Variants in NPTN observed in about 807,000 individuals in gnomAD.
The protein encoded by NPTN is SDR-1.
A neutral mutation model predicts 42.7 loss-of-function variants in NPTN; 5 were observed. That is an observed-to-expected ratio of 0.12 (90% CI 0.06 to 0.25). NPTN has a LOEUF of 0.25. NPTN is among the 10% of genes least tolerant of loss of function. The pLI, the probability that NPTN is intolerant of heterozygous loss-of-function variation, is 1.00. For synonymous variants in NPTN, 180 were observed against 201.9 expected, an observed-to-expected ratio of 0.89 and a Z score of 0.92; for missense variants, 307 against 525.4, an observed-to-expected ratio of 0.58 and a Z score of 4.06.
At chr15:73,600,844 TG>T (rs1319415576) in intron 1 of NPTN, among the ~76,000 whole-genome samples, 1 of 152,044 alleles carries the variant, frequency 6.6e-6, no homozygotes, top group East Asian at 1.9e-4. Flanking sequence ...TTAAAGCAAC[TG>T]GGGGGAGGGT....
intron 1 of NPTN, among the ~76,000 whole-genome samples, chr15:73,626,561 A>G: frequency 6.6e-6 from 1 of 152,210 alleles, no homozygotes; most frequent in Non-Finnish European, 1.5e-5. Flanking sequence ...TCCAAATCCT[A>G]CCATCAGGAA....
chr15:73,590,910 T>C (rs1896559452), intron 3 of NPTN, among the ~76,000 whole-genome samples: 1 of 152,218 alleles, frequency 6.6e-6, no homozygotes, highest in South Asian at 2.1e-4. Context: ...TCTAATTTTT[T>C]TTTTTATCAG....
chr15:73,566,406 G>A (rs980736671), intron 6 of NPTN, among the ~76,000 whole-genome samples: 6 of 152,226 alleles, frequency 3.9e-5, no homozygotes, highest in Non-Finnish European at 5.9e-5. Context: ...AACTTAAAGA[G>A]AGTCCCTTTG....
chr15:73,580,498 AATAT>A lies in NPTN; in HGVS notation c.707-6707_707-6704del, dbSNP rs765769834. On this transcript the variant is annotated intron_variant, in intron 4 of 8. Transcript: ENST00000345330. ...ATATACATAAATATATATATACATAAATATATATATTATATATAATATAGTTATA... is the reference window on the plus strand; with the variant it reads ...ATATACATAAATATATATATACATAAATATATTATATATAATATAGTTATA... Among the ~76,000 whole-genome samples the A allele has an allele frequency of 4.0e-4, 53 of 132,840 alleles. 2 individuals carry two copies. In the East Asian group the frequency reaches 9.8e-3, roughly 25 times the overall value. 87.1% of individuals were successfully genotyped at this position (132,840 alleles called of 152,430 possible). A position where few individuals can be genotyped will look rare whatever the true frequency, so the allele number is the denominator to read the frequency against.
At chr15:73,611,624 G>A (rs957432618) in intron 1 of NPTN, among the ~76,000 whole-genome samples, 1 of 152,000 alleles carries the variant, frequency 6.6e-6, no homozygotes, top group Non-Finnish European at 1.5e-5. Flanking sequence ...AGTACACAGG[G>A]GATTTTTAGG....
intron 5 of NPTN, among the ~76,000 whole-genome samples, chr15:73,571,716 A>G (rs1895404118): frequency 6.6e-6 from 1 of 152,194 alleles, no homozygotes; most frequent in African/African-American, 2.4e-5. Flanking sequence ...GGGAAAAAAC[A>G]GACTCATGTG....
chr15:73,624,480 C>CA (rs1286407099), intron 1 of NPTN, among the ~76,000 whole-genome samples: 1 of 152,042 alleles, frequency 6.6e-6, no homozygotes, highest in African/African-American at 2.4e-5. Context: ...CTCGTATAAT[C>CA]AAAAAAATCC....
chr15:73,608,903 A>G (rs1452414198), intron 1 of NPTN, among the ~76,000 whole-genome samples: 3 of 152,330 alleles, frequency 2.0e-5, no homozygotes, highest in South Asian at 2.1e-4. Context: ...CTGGCTTTAC[A>G]GACATCTGGA....
In NPTN at chr15:73,587,536, T is replaced by C. The variant is rs752157172; in HGVS notation, c.694A>G (p.Ile232Val). ...FVSAPKANAT[I>V]EVKAAPDITG... ...TGCTGGGTTGTACCTTTCACTTCAA[T>C]GGTGGCGTTTGCTTTAGGAGCGCTG... Residue 232 changes from isoleucine (I) to valine (V), a missense_variant, in exon 4 of 9, where the codon ATT (isoleucine) becomes GTT (valine). Physicochemically the swap from Ile to Val is conservative, Grantham distance 29. Around this residue, in one of 2 missense-constraint regions of NPTN, gnomAD observed 264 missense variants for 491.1 expected, o/e 0.54. Coordinates refer to ENST00000345330, the MANE Select transcript of NPTN (RefSeq NM_012428.4). 1.2e-6 allele frequency: 2 copies of C among 1,613,402 alleles called. No homozygotes were observed. The highest frequency in any genetic ancestry group is 4.5e-5 in the East Asian group (2 of 44,878).
At chr15:73,581,072 G>T (rs766015429) in intron 4 of NPTN, among the ~76,000 whole-genome samples, 8 of 152,144 alleles carry the variant, frequency 5.3e-5, no homozygotes. Flanking sequence ...CTAAGGCTTC[G>T]ACTCTGTCAT....
At chr15:73,600,647 T>C (rs75298649) in intron 1 of NPTN, among the ~76,000 whole-genome samples, 2,368 of 152,320 alleles carry the variant, frequency 0.016, 66 homozygotes, top group African/African-American at 0.052. Context: ...AAGGTTTTTG[T>C]AGTTACTTAA....
At chr15:73,626,505 T>C (rs923775183) in intron 1 of NPTN, among the ~76,000 whole-genome samples, 1 of 152,204 alleles carries the variant, frequency 6.6e-6, no homozygotes, top group African/African-American at 2.4e-5. Context: ...TATTTAGTAA[T>C]TTTTAGAACT....
At chr15:73,623,446 G>A (rs1004787831) in intron 1 of NPTN, among the ~76,000 whole-genome samples, 17 of 152,138 alleles carry the variant, frequency 1.1e-4, no homozygotes, top group African/African-American at 4.1e-4. Context: ...CAGCACTTTG[G>A]GAGGCACAGG....
At chr15:73,600,462 A>G (rs188300858) in intron 1 of NPTN, among the ~76,000 whole-genome samples, 103 of 152,348 alleles carry the variant, frequency 6.8e-4, no homozygotes, top group African/African-American at 2.2e-3. Flanking sequence ...TTTATTCATT[A>G]TGATAAGTGC....
At chr15:73,563,845 T>C (rs1258435694) in intron 6 of NPTN, among the ~76,000 whole-genome samples, 1 of 152,224 alleles carries the variant, frequency 6.6e-6, no homozygotes, top group Non-Finnish European at 1.5e-5. Context: ...GGGTCAGCCA[T>C]GCTGGGCTAT....
chr15:73,604,140 G>T (rs932603619), intron 1 of NPTN, among the ~76,000 whole-genome samples: 1 of 151,912 alleles, frequency 6.6e-6, no homozygotes, highest in Non-Finnish European at 1.5e-5. Flanking sequence ...TTAAAAAAAA[G>T]TCAATGACAA....
At chr15:73,608,819 G>A (rs953990046) in intron 1 of NPTN, among the ~76,000 whole-genome samples, 1 of 152,194 alleles carries the variant, frequency 6.6e-6, no homozygotes, top group Non-Finnish European at 1.5e-5. Flanking sequence ...ATGTTTACAA[G>A]ATAGAATCAA....
chr15:73,594,269 A>C (rs1272852618), intron 2 of NPTN, among the ~76,000 whole-genome samples: 2 of 152,210 alleles, frequency 1.3e-5, no homozygotes, highest in African/African-American at 4.8e-5. Context: ...AGATGTTTAA[A>C]TACAAGGAGG....
At chr15:73,589,467 C>G (rs1246127344) in intron 3 of NPTN, among the ~76,000 whole-genome samples, 1 of 152,162 alleles carries the variant, frequency 6.6e-6, no homozygotes. Context: ...CTCTGGCCTA[C>G]AAGCACATAC....
Sources: allele counts gnomAD v4.1 joint callset (sites outside exome capture counted in the v4.1 genomes callset), GRCh38; gene constraint gnomAD v4.1.1; regional missense constraint gnomAD v4.1.1; transcripts MANE v1.5; gene names NCBI Gene and HGNC (gene_info 2026-07-23, HGNC 2026-07-21).